CYLD: variants seen among roughly 807,000 people sequenced by gnomAD.
CYLD encodes the protein ubiquitin carboxyl-terminal hydrolase CYLD.
Under a neutral mutation model 104.5 loss-of-function variants are expected in CYLD, and 26 were observed. The ratio of observed to expected loss-of-function variants is 0.25; its 90% CI spans 0.18 to 0.35. The LOEUF (loss-of-function observed/expected upper bound fraction) is 0.35, where lower values mean the gene tolerates loss of function less well. Ranked by LOEUF, CYLD falls within the 10% of genes least tolerant of loss-of-function variation. The probability of loss-of-function intolerance (pLI) is 1.00; values close to 1 mark genes in which losing one functional copy is unlikely to be tolerated. For missense variants in CYLD, 703 were observed against 1,136.1 expected (o/e 0.62, Z 5.48); for synonymous variants, 385 against 399.9 (o/e 0.96, Z 0.45).
intron 5 of CYLD, among the ~76,000 whole-genome samples, chr16:50,755,199 A>G (rs1298763098): frequency 9.3e-5 from 10 of 107,900 alleles, no homozygotes; most frequent in Middle Eastern, 5.0e-3. Context: ...ACGTGTACAT[A>G]TGTGTGTGTA....
chr16:50,786,193 T>G (rs965316484), intron 12 of CYLD: 9 of 152,248 alleles, frequency 5.9e-5, no homozygotes, highest in African/African-American at 2.2e-4. Context: ...CACACTTCAG[T>G]ATTAAAAGGA....
chr16:50,786,711 G>A lies in CYLD; in HGVS notation c.1950-144G>A, dbSNP rs1597072543. ...GAAGGCGGAGGTTGCAGTGAGCTGA[G>A]ATCGGGCCACTGCACACTCCAGCCT... On this transcript the variant is annotated intron_variant, in intron 12 of 18. Coordinates refer to ENST00000427738, the MANE Select transcript of CYLD (RefSeq NM_001378743.1). 3 of 629,764 alleles carry A rather than the reference G, an allele frequency of 4.8e-6. No individual in the cohort carries two copies. The East Asian group carries it at 8.6e-5, about 18-fold the overall frequency. The allele number at this position is 629,764 out of a possible 1,614,324, so 39.0% of individuals were successfully genotyped here.
In CYLD at chr16:50,800,238, C is replaced by G. The variant is rs1972362272; in HGVS notation, c.*3730C>G. 4.3e-6 allele frequency: 1 copy of G among 233,136 alleles called. No homozygotes were observed. The highest frequency in any genetic ancestry group is 8.5e-6 in the Non-Finnish European group (1 of 117,984). 14.4% of individuals were successfully genotyped at this position (233,136 alleles called of 1,614,324 possible). ...GGGTCCTAGGCCATGCCTGCTGAATCCGACTGTTCAGGAAGAGGCCTAGGA... is the reference window on the plus strand; with the variant it reads ...GGGTCCTAGGCCATGCCTGCTGAATGCGACTGTTCAGGAAGAGGCCTAGGA... On this transcript the variant is annotated 3_prime_UTR_variant, in exon 19 of 19. Transcript: ENST00000427738.
At position 50,801,545 on chromosome 16, in the gene CYLD, T is replaced by A. The variant is rs1214518710; in HGVS notation, c.*5037T>A. On this transcript the variant is annotated 3_prime_UTR_variant, in exon 19 of 19. Coordinates refer to ENST00000427738, the MANE Select transcript of CYLD (RefSeq NM_001378743.1). Reference sequence around the variant, plus strand: ...AGACTCAACTGCCCTTGGTTTTAGTTTATAAAATGGCCTAGTACTGTGGAA... The same window carrying A: ...AGACTCAACTGCCCTTGGTTTTAGTATATAAAATGGCCTAGTACTGTGGAA... 1.7e-5 allele frequency: 4 copies of A among 233,808 alleles called. No homozygotes were observed. The highest frequency in any genetic ancestry group is 3.4e-5 in the Non-Finnish European group (4 of 118,026). 14.5% of individuals were successfully genotyped at this position (233,808 alleles called of 1,614,324 possible). A position where few individuals can be genotyped will look rare whatever the true frequency, so the allele number is the denominator to read the frequency against.
At position 50,750,061 on chromosome 16, in the gene CYLD, A is replaced by G; in HGVS notation, c.363A>G (p.Lys121=). The change falls in exon 3 of 19, where the codon AAA becomes AAG. Residue 121 remains lysine, a synonymous_variant. Coordinates refer to ENST00000427738, the MANE Select transcript of CYLD (RefSeq NM_001378743.1). Reference sequence around the variant, plus strand: ...TTAAAAACAGAAACAGACTAAGTAAAGGCCTCCAAATAGACGTGGGCTGTC... The same window carrying G: ...TTAAAAACAGAAACAGACTAAGTAAGGGCCTCCAAATAGACGTGGGCTGTC... The part of the protein sequence containing the change: ...SLFKNRNRLS[K]GLQIDVGCPV... 1 of 1,614,188 alleles carries G rather than the reference A, an allele frequency of 6.2e-7. No homozygotes were observed. The highest frequency in any genetic ancestry group is 8.5e-7 in the Non-Finnish European group (1 of 1,180,008).
At chr16:50,793,721 T>C (rs1339377839) in intron 17 of CYLD, 57 bp downstream of exon 17, 39 of 1,120,302 alleles carry the variant, frequency 3.5e-5, no homozygotes, top group Non-Finnish European at 5.3e-5. Flanking sequence ...TTATTTATAG[T>C]TGAAAACACA....
chr16:50,743,080 C>T (rs1313099756), intron 2 of CYLD, among the ~76,000 whole-genome samples: 1 of 152,136 alleles, frequency 6.6e-6, no homozygotes, highest in African/African-American at 2.4e-5. Context: ...AGTCTCCCAG[C>T]CCCCATCATC....
In CYLD at chr16:50,796,882, A is replaced by T; in HGVS notation, c.*374A>T. ...GTAAATAAATGTGTCTTCTTTATGGACCAAGGATATGAAATCATTTTTCTT... is the reference window on the plus strand; with the variant it reads ...GTAAATAAATGTGTCTTCTTTATGGTCCAAGGATATGAAATCATTTTTCTT... On this transcript the variant is annotated 3_prime_UTR_variant, in exon 19 of 19. Transcript: ENST00000427738. The T allele has an allele frequency of 3.0e-6, 1 of 334,186 alleles. No homozygotes were observed. The highest frequency in any genetic ancestry group is 5.6e-6 in the Non-Finnish European group (1 of 177,234). 20.7% of individuals were successfully genotyped at this position (334,186 alleles called of 1,614,324 possible).
At chr16:50,791,766 A>G (rs1971457200) in intron 15 of CYLD, 76 bp downstream of exon 15, 2 of 1,515,916 alleles carry the variant, frequency 1.3e-6, no homozygotes, top group Non-Finnish European at 9.1e-7. Context: ...TTCAGTATCT[A>G]TTGATTTTAA....
At chr16:50,771,457 G>T (rs554011979) in intron 5 of CYLD, among the ~76,000 whole-genome samples, 1 of 152,276 alleles carries the variant, frequency 6.6e-6, no homozygotes, top group South Asian at 2.1e-4. Flanking sequence ...TAAAAATGCT[G>T]CTGTGAACAT....
chr16:50,758,790 C>A (rs1225196438), intron 5 of CYLD, among the ~76,000 whole-genome samples: 2 of 151,930 alleles, frequency 1.3e-5, no homozygotes, highest in Admixed American at 6.6e-5. Flanking sequence ...GAAGAGCATG[C>A]GTCGGGGAGT....
chr16:50,750,592 A>T (rs1966538018), intron 3 of CYLD, among the ~76,000 whole-genome samples: 1 of 152,110 alleles, frequency 6.6e-6, no homozygotes, highest in Admixed American at 6.5e-5. Context: ...TTTACTTTTT[A>T]ATGATGAATT....
chr16:50,777,744 CATA>C, intron 7 of CYLD, 78 bp from the exon 8 acceptor site: 1 of 765,750 alleles, frequency 1.3e-6, no homozygotes, highest in South Asian at 1.4e-5. Flanking sequence ...ACATCATATT[CATA>C]ATAATTTCTC....
At chr16:50,756,646 A>G (rs1417086311) in intron 5 of CYLD, among the ~76,000 whole-genome samples, 1 of 152,234 alleles carries the variant, frequency 6.6e-6, no homozygotes, top group Admixed American at 6.5e-5. Context: ...AGTGGCAGTC[A>G]GAGATGGTGA....
chr16:50,761,159 C>T (rs1480535827), intron 5 of CYLD, among the ~76,000 whole-genome samples: 1 of 152,102 alleles, frequency 6.6e-6, no homozygotes, highest in African/African-American at 2.4e-5. Flanking sequence ...CTGATTTCTT[C>T]ATGTGTTAGG....
At chr16:50,754,156 T>G (rs1231503393) in intron 4 of CYLD, among the ~76,000 whole-genome samples, 163 bp from the exon 5 acceptor site, 5 of 152,212 alleles carry the variant, frequency 3.3e-5, no homozygotes, top group Non-Finnish European at 7.3e-5. Context: ...AGCAAAACCT[T>G]ATTACTATGG....
intron 2 of CYLD, among the ~76,000 whole-genome samples, chr16:50,749,094 C>T (rs945423755): frequency 9.9e-5 from 15 of 151,980 alleles, no homozygotes; most frequent in African/African-American, 2.4e-4. Flanking sequence ...ACCAGTTACT[C>T]GGGAGGCTGA....
chr16:50,776,840 T>C (rs1209239170), intron 7 of CYLD, among the ~76,000 whole-genome samples: 1 of 152,228 alleles, frequency 6.6e-6, no homozygotes, highest in African/African-American at 2.4e-5. Flanking sequence ...GAATTTTTGT[T>C]AACTCAGATG....
At chr16:50,791,863 A>C (rs546763194) in intron 15 of CYLD, among the ~76,000 whole-genome samples, 173 bp downstream of exon 15, 4 of 152,370 alleles carry the variant, frequency 2.6e-5, no homozygotes, top group African/African-American at 9.6e-5. Context: ...TTTACAGAAA[A>C]TGTCTTAGAA....
Sources: allele counts gnomAD v4.1 joint callset (sites outside exome capture counted in the v4.1 genomes callset), GRCh38; gene constraint gnomAD v4.1.1; transcripts MANE v1.5; gene names NCBI Gene and HGNC (gene_info 2026-07-23, HGNC 2026-07-21).